Variants in BCAS3 observed in about 807,000 individuals in gnomAD.
BCAS3 encodes the protein BCAS3 microtubule associated cell migration factor.
Under a neutral mutation model 116.1 loss-of-function variants are expected in BCAS3, and 53 were observed. The observed-to-expected ratio is 0.46, with a 90% CI of 0.37 to 0.57. The LOEUF (loss-of-function observed/expected upper bound fraction) is 0.57, where lower values mean the gene tolerates loss of function less well. Ranked by LOEUF, BCAS3 falls within the 20% of genes least tolerant of loss-of-function variation. BCAS3 has a pLI of 0.00. For synonymous variants in BCAS3, 391 were observed against 408.2 expected, an observed-to-expected ratio of 0.96 and a Z score of 0.51; for missense variants, 917 against 1,165.4, an observed-to-expected ratio of 0.79 and a Z score of 3.10.
At chr17:61,107,622 A>T (rs776992931) in intron 22 of BCAS3, among the ~76,000 whole-genome samples, 1 of 152,140 alleles carries the variant, frequency 6.6e-6, no homozygotes, top group Non-Finnish European at 1.5e-5. Context: ...ACCCTTTGAT[A>T]TTGCCTGTTT....
Position 61,388,612 on chromosome 17 carries a change from C to CA in BCAS3, c.2594-3361dup. ...AAAGATTCCTCAATGCTTTTCTTTT[C>CA]AAAAGGGAAAAAAAAAGGAAAAAAA... is the stretch of plus-strand genomic sequence containing the variant. On this transcript the variant is annotated intron_variant, in intron 23 of 23. Coordinates refer to ENST00000407086, the MANE Select transcript of BCAS3 (RefSeq NM_017679.5). This position sits in a 1 kb window ranked among gnomAD's most constrained non-coding sequence, Gnocchi z 6.5. The CA allele has an allele frequency of 6.5e-7, 1 of 1,529,604 alleles. No homozygotes were observed. The highest frequency in any genetic ancestry group is 8.7e-7 in the Non-Finnish European group (1 of 1,145,150). 94.8% of individuals were successfully genotyped at this position (1,529,604 alleles called of 1,614,324 possible).
chr17:61,116,464 C>A (rs915399292), intron 22 of BCAS3, among the ~76,000 whole-genome samples: 15 of 152,122 alleles, frequency 9.9e-5, no homozygotes, highest in African/African-American at 3.1e-4. Context: ...CATTCTCTTA[C>A]ATGCATTTAG....
chr17:61,297,166 C>T lies in BCAS3; in HGVS notation c.2426-71161C>T, dbSNP rs1232111948. Among the ~76,000 whole-genome samples, 3 of 152,152 alleles carry T rather than the reference C, an allele frequency of 2.0e-5. No homozygotes were observed. The East Asian group carries it at 5.8e-4, about 29-fold the overall frequency. On this transcript the variant is annotated intron_variant, in intron 22 of 23. Coordinates refer to ENST00000407086, the MANE Select transcript of BCAS3 (RefSeq NM_017679.5). ...CAACATGGGAAAGGAAATTCAGGGG[C>T]TCCATGACAGTCAATGCATATGGGA...
intron 6 of BCAS3, among the ~76,000 whole-genome samples, chr17:60,803,977 A>G (rs2048047535): frequency 6.7e-6 from 1 of 149,086 alleles, no homozygotes; most frequent in Non-Finnish European, 1.5e-5. Flanking sequence ...AATTTTTTGT[A>G]TTTTTAGTAG....
At chr17:61,263,922 C>A (rs1323775850) in intron 22 of BCAS3, among the ~76,000 whole-genome samples, 3 of 152,036 alleles carry the variant, frequency 2.0e-5, no homozygotes, top group Non-Finnish European at 4.4e-5. Context: ...TTTAGGGTAG[C>A]AAAAATAAAA....
intron 22 of BCAS3, among the ~76,000 whole-genome samples, chr17:61,112,853 C>T (rs574707345): frequency 6.6e-6 from 1 of 151,576 alleles, no homozygotes; most frequent in African/African-American, 2.4e-5. Flanking sequence ...CTCTCCTCAG[C>T]AAATGTAAAA....
At position 60,786,897 on chromosome 17, in the gene BCAS3, T is replaced by C. The variant is rs2046332450; in HGVS notation, c.404-21107T>C. 5.9e-5 allele frequency among the ~76,000 whole-genome samples: 9 copies of C among 152,326 alleles called. No homozygotes were observed. The South Asian group carries it at 1.9e-3, about 32-fold the overall frequency. On this transcript the variant is annotated intron_variant, in intron 6 of 23. Transcript: ENST00000407086. ...ATTTGGAGTGAATTGGATTACTTTTTATTCTAATGTGTGTGTTTTCCAACT... is the reference window on the plus strand; with the variant it reads ...ATTTGGAGTGAATTGGATTACTTTTCATTCTAATGTGTGTGTTTTCCAACT...
At chr17:60,827,912 G>A (rs1368233867) in intron 7 of BCAS3, among the ~76,000 whole-genome samples, 1 of 152,080 alleles carries the variant, frequency 6.6e-6, no homozygotes, top group Non-Finnish European at 1.5e-5. Context: ...GTTCAAAGTT[G>A]TTTTTTCTTC....
chr17:61,282,799 G>C lies in BCAS3; in HGVS notation c.2426-85528G>C, dbSNP rs1568746019. Among the ~76,000 whole-genome samples the C allele has an allele frequency of 6.6e-6, 1 of 152,058 alleles. No homozygotes were observed. The highest frequency in any genetic ancestry group is 1.5e-5 in the Non-Finnish European group (1 of 68,032). ...CATCATCCCTTTATCTACCCAAAAT[G>C]TGAATTTTAAACATTTTTTATCCAG... On this transcript the variant is annotated intron_variant, in intron 22 of 23. Transcript: ENST00000407086. This position sits in a 1 kb window ranked among gnomAD's most constrained non-coding sequence, Gnocchi z 5.9.
intron 15 of BCAS3, among the ~76,000 whole-genome samples, chr17:61,011,322 C>T (rs2065100524): frequency 1.3e-5 from 2 of 152,016 alleles, no homozygotes; most frequent in Admixed American, 1.3e-4. Flanking sequence ...AGGTTTCTTC[C>T]TGCTGAACTT....
In BCAS3 at chr17:61,323,244, C is replaced by G. The variant is rs1447283945; in HGVS notation, c.2426-45083C>G. On this transcript the variant is annotated intron_variant, in intron 22 of 23. Coordinates refer to ENST00000407086, the MANE Select transcript of BCAS3 (RefSeq NM_017679.5). This position sits in a 1 kb window ranked among gnomAD's most constrained non-coding sequence, Gnocchi z 4.6. ...AGAAGACTTTTGTCTAGAGCCCAAA[C>G]TTCCCCAGGGGGAAGGACTCATTTA... 6.6e-6 allele frequency among the ~76,000 whole-genome samples: 1 copy of G among 152,178 alleles called. No individual in the cohort carries two copies. The highest frequency in any genetic ancestry group is 1.9e-4 in the East Asian group (1 of 5,180).
chr17:61,095,151 T>C lies in BCAS3; in HGVS notation c.2425+10587T>C, dbSNP rs879417587. ...CTGAAAATGCTATTAATATACTTTATCTTTTAGCAGTTACGTATTTGAGTT... is the reference window on the plus strand; with the variant it reads ...CTGAAAATGCTATTAATATACTTTACCTTTTAGCAGTTACGTATTTGAGTT... On this transcript the variant is annotated intron_variant, in intron 22 of 23. Coordinates refer to ENST00000407086, the MANE Select transcript of BCAS3 (RefSeq NM_017679.5). The surrounding 1 kb of genome is among the most constrained non-coding windows in gnomAD (Gnocchi z 4.7). Among the ~76,000 whole-genome samples the C allele has an allele frequency of 1.3e-5, 2 of 152,244 alleles. No homozygotes were observed. Among genetic ancestry groups the C allele is most frequent in the Non-Finnish European group, 2.9e-5 (2 of 68,040 alleles).
At chr17:60,730,442 C>G (rs1264445420) in intron 5 of BCAS3, among the ~76,000 whole-genome samples, 3 of 152,142 alleles carry the variant, frequency 2.0e-5, no homozygotes, top group Non-Finnish European at 4.4e-5. Context: ...TGTTACTCCT[C>G]ACAAATATGC....
intron 6 of BCAS3, among the ~76,000 whole-genome samples, chr17:60,747,877 TTTATA>T (rs1245683998): frequency 6.6e-6 from 1 of 151,992 alleles, no homozygotes; most frequent in African/African-American, 2.4e-5. Flanking sequence ...ATATATATGT[TTTATA>T]TTTATTTAAA....
At chr17:61,371,278 C>T (rs532726732) in intron 23 of BCAS3, among the ~76,000 whole-genome samples, 24 of 152,332 alleles carry the variant, frequency 1.6e-4, no homozygotes, top group African/African-American at 4.8e-4. Flanking sequence ...TGGCCAATTT[C>T]AACCTGTCAC....
At position 61,248,635 on chromosome 17, in the gene BCAS3, A is replaced by C. The variant is rs758526747; in HGVS notation, c.2426-119692A>C. On this transcript the variant is annotated intron_variant, in intron 22 of 23. Coordinates refer to ENST00000407086, the MANE Select transcript of BCAS3 (RefSeq NM_017679.5). The surrounding 1 kb of genome is among the most constrained non-coding windows in gnomAD (Gnocchi z 4.3). ...GACCTCAGTCCTGAATGGTTATTTCAGAAGTGTATCATGGTGGGAATTTAG... is the reference window on the plus strand; with the variant it reads ...GACCTCAGTCCTGAATGGTTATTTCCGAAGTGTATCATGGTGGGAATTTAG... 3.3e-5 allele frequency among the ~76,000 whole-genome samples: 5 copies of C among 152,220 alleles called. No individual in the cohort carries two copies. Among genetic ancestry groups the C allele is most frequent in the Non-Finnish European group, 7.3e-5 (5 of 68,040 alleles).
chr17:60,940,118 T>C (rs905088102), intron 13 of BCAS3, among the ~76,000 whole-genome samples: 1 of 152,158 alleles, frequency 6.6e-6, no homozygotes, highest in African/African-American at 2.4e-5. Flanking sequence ...ATATAACAAA[T>C]TAAAAAATAA....
chr17:60,714,177 A>G (rs1452942444), intron 5 of BCAS3, among the ~76,000 whole-genome samples: 1 of 152,134 alleles, frequency 6.6e-6, no homozygotes, highest in Non-Finnish European at 1.5e-5. Flanking sequence ...TATGTCGCCC[A>G]GATTGGTCTT....
At chr17:60,848,818 C>T (rs2052768460) in intron 7 of BCAS3, among the ~76,000 whole-genome samples, 1 of 150,936 alleles carries the variant, frequency 6.6e-6, no homozygotes, top group South Asian at 2.1e-4. Context: ...CTGGCTTCAG[C>T]CCCCTGAAGT....
Sources: allele counts gnomAD v4.1 joint callset (sites outside exome capture counted in the v4.1 genomes callset), GRCh38; gene constraint gnomAD v4.1.1; non-coding constraint Gnocchi (gnomAD v3.1); transcripts MANE v1.5; gene names NCBI Gene and HGNC (gene_info 2026-07-23, HGNC 2026-07-21).